The following ZNF236 variants were observed in gnomAD, a reference collection of about 807,000 sequenced individuals.
The protein encoded by ZNF236 is zinc finger protein 236.
In ZNF236, 50 loss-of-function variants were observed where a neutral mutation model predicts 191.2. The ratio of observed to expected loss-of-function variants is 0.26; its 90% CI spans 0.21 to 0.33. The LOEUF is 0.33. Ranked by LOEUF, ZNF236 falls within the 10% of genes least tolerant of loss-of-function variation. The probability of loss-of-function intolerance (pLI) is 1.00; values close to 1 mark genes in which losing one functional copy is unlikely to be tolerated. For missense variants in ZNF236, 1,754 were observed against 2,374.5 expected, an observed-to-expected ratio of 0.74 and a Z score of 5.43; for synonymous variants, 907 against 928.8, an observed-to-expected ratio of 0.98 and a Z score of 0.43.
rs1287869954 is a variant in ZNF236 at position 76,960,224 on chromosome 18, C to T, written c.5242+408C>T. Among the ~76,000 whole-genome samples the T allele has an allele frequency of 4.6e-5, 7 of 152,206 alleles. No individual in the cohort carries two copies. The highest frequency in any genetic ancestry group is 4.6e-4 in the Admixed American group (7 of 15,280). ...TTTTTTTCTCTGCTGGCTTTTCCTA[C>T]ACCACCTAAATCTGCTCAAACCTTT... On this transcript the variant is annotated intron_variant, in intron 29 of 30. Transcript: ENST00000320610. The surrounding 1 kb of genome is among the most constrained non-coding windows in gnomAD (Gnocchi z 4.4).
chr18:76,917,878 C>T (rs922191989), intron 19 of ZNF236, among the ~76,000 whole-genome samples: 6 of 152,112 alleles, frequency 3.9e-5, no homozygotes, highest in South Asian at 2.1e-4. Context: ...GGAATTTCTA[C>T]GAGATGGACA....
At chr18:76,923,350 C>T (rs552990328) in intron 21 of ZNF236, among the ~76,000 whole-genome samples, 176 bp downstream of exon 21, 1 of 152,154 alleles carries the variant, frequency 6.6e-6, no homozygotes, top group African/African-American at 2.4e-5. Flanking sequence ...GGAAAACTGT[C>T]CAAATGACAC....
chr18:76,841,694 C>CTTTTT (rs371645927), intron 1 of ZNF236, among the ~76,000 whole-genome samples: 3 of 128,804 alleles, frequency 2.3e-5, no homozygotes, highest in East Asian at 2.3e-4. Flanking sequence ...TTTTTTTTTT[C>CTTTTT]TTTTTTTTTT....
Position 76,869,000 on chromosome 18 carries a change from C to T in ZNF236, c.542+137C>T, listed in dbSNP as rs375604109. 6.6e-4 allele frequency: 510 copies of T among 774,142 alleles called. 3 individuals carry two copies. Among genetic ancestry groups the T allele is most frequent in the South Asian group, 4.0e-3 (212 of 53,116 alleles). The allele number at this position is 774,142 out of a possible 1,614,324, so 48.0% of individuals were successfully genotyped here. A position where few individuals can be genotyped will look rare whatever the true frequency, so the allele number is the denominator to read the frequency against. On this transcript the variant is annotated intron_variant, in intron 4 of 30. Coordinates refer to ENST00000320610, the MANE Select transcript of ZNF236 (RefSeq NM_001306089.2). Reference sequence around the variant, plus strand: ...CCCCACAGATAATTTGGTGTCAGAACGTCTTTTATAACATGCATGGTGCAT... The same window carrying T: ...CCCCACAGATAATTTGGTGTCAGAATGTCTTTTATAACATGCATGGTGCAT...
intron 3 of ZNF236, among the ~76,000 whole-genome samples, chr18:76,859,712 G>C (rs1264637619): frequency 6.6e-6 from 1 of 152,156 alleles, no homozygotes; most frequent in East Asian, 1.9e-4. Flanking sequence ...GTGGAGCACC[G>C]CTGTTTCCCT....
intron 26 of ZNF236, among the ~76,000 whole-genome samples, chr18:76,941,070 A>G (rs1366826051): frequency 6.6e-6 from 1 of 152,098 alleles, no homozygotes; most frequent in East Asian, 1.9e-4. Flanking sequence ...CCTACCTCAA[A>G]TCCGTGGAAA....
chr18:76,885,407 C>G (rs1977021205), intron 9 of ZNF236: 1 of 153,138 alleles, frequency 6.5e-6, no homozygotes, highest in Admixed American at 6.5e-5. Flanking sequence ...CCCTGAGGTT[C>G]TCAACTTTGA....
chr18:76,856,353 T>C (rs1196395434), intron 3 of ZNF236, among the ~76,000 whole-genome samples: 3 of 152,196 alleles, frequency 2.0e-5, no homozygotes. Context: ...TGGCTCATTT[T>C]TGTATTTTTA....
intron 2 of ZNF236, 110 bp downstream of exon 2, chr18:76,849,778 CATTTTATATT>C (rs1315570762): frequency 1.0e-6 from 1 of 973,952 alleles, no homozygotes; most frequent in Non-Finnish European, 1.4e-6. Context: ...AATAGTAGAA[CATTTTATATT>C]CTACAAATAA....
At chr18:76,844,390 G>C (rs1975616093) in intron 1 of ZNF236, among the ~76,000 whole-genome samples, 1 of 152,190 alleles carries the variant, frequency 6.6e-6, no homozygotes, top group Admixed American at 6.5e-5. Context: ...AGCAGTGTGG[G>C]TGCCTGGCCA....
intron 16 of ZNF236, 108 bp downstream of exon 16, chr18:76,910,919 T>TACAAGAAGTGAGCATG: frequency 1.6e-6 from 2 of 1,242,800 alleles, no homozygotes; most frequent in Non-Finnish European, 2.2e-6. Context: ...AGAGGCATGC[T>TACAAGAAGTGAGCATG]CACTTCTTGT....
At chr18:76,840,782 T>TGTGTGTGTGTGTGTGCGCGC (rs1555685340) in intron 1 of ZNF236, 1 of 99,250 alleles carries the variant, frequency 1.0e-5, no homozygotes, top group African/African-American at 2.9e-5. Flanking sequence ...AACCTGTGTG[T>TGTGTGTGTGTGTGTGCGCGC]GTGTGTGTGT....
In ZNF236 at chr18:76,939,149, A is replaced by G. The variant is rs558356251; in HGVS notation, c.4782+1806A>G. Reference sequence around the variant, plus strand: ...GGAGTTTGAGACCGGCCTGGCCAACATGGGGAAACTCCGTCGCTACTAAAA... The same window carrying G: ...GGAGTTTGAGACCGGCCTGGCCAACGTGGGGAAACTCCGTCGCTACTAAAA... On this transcript the variant is annotated intron_variant, in intron 26 of 30. Transcript: ENST00000320610. Among the ~76,000 whole-genome samples the G allele has an allele frequency of 3.3e-5, 5 of 152,254 alleles. No homozygotes were observed. The South Asian group carries it at 6.2e-4, about 19-fold the overall frequency.
rs547290726 is a variant in ZNF236, at chr18:76,875,969, C to A, written c.840+305C>A. Among the ~76,000 whole-genome samples, 6 of 151,974 alleles carry A rather than the reference C, an allele frequency of 3.9e-5. No homozygotes were observed. Among genetic ancestry groups the A allele is most frequent in the Non-Finnish European group, 8.8e-5 (6 of 67,998 alleles). Reference sequence around the variant, plus strand: ...GTCATTCTAAATAATGTATTTCATCCCTTTAGCAAACTTGAAACACAGGCA... The same window carrying A: ...GTCATTCTAAATAATGTATTTCATCACTTTAGCAAACTTGAAACACAGGCA... On this transcript the variant is annotated intron_variant, in intron 6 of 30. Transcript: ENST00000320610. The surrounding 1 kb of genome is among the most constrained non-coding windows in gnomAD (Gnocchi z 4.3).
At chr18:76,914,449 C>G (rs1303604783) in intron 18 of ZNF236, among the ~76,000 whole-genome samples, 1 of 152,172 alleles carries the variant, frequency 6.6e-6, no homozygotes, top group Non-Finnish European at 1.5e-5. Context: ...ATTGTTTGGT[C>G]ATATGTTAAC....
At chr18:76,884,664 G>C (rs575401078) in intron 9 of ZNF236, among the ~76,000 whole-genome samples, 70 of 152,252 alleles carry the variant, frequency 4.6e-4, no homozygotes, top group Non-Finnish European at 9.4e-4. Flanking sequence ...GGCTGTAATT[G>C]GCTGGCATCC....
Position 76,881,480 on chromosome 18 carries a change from A to G in ZNF236, c.1385A>G (p.Lys462Arg), listed in dbSNP as rs746664238. The change falls in exon 9 of 31, where the codon AAA becomes AGA. Residue 462 changes from lysine to arginine, a missense_variant. By Grantham distance (26) the Lys-to-Arg change is conservative. This residue lies in a region of ZNF236 where 126 missense variants were observed against 110.9 expected (regional missense o/e 1.14). Coordinates refer to ENST00000320610, the MANE Select transcript of ZNF236 (RefSeq NM_001306089.2). Reference sequence around the variant, plus strand: ...GAGAAACTGGATAAAAAAGAAAAAAAAATGATAAAGAAGAAGTCACCGTTT... The same window carrying G: ...GAGAAACTGGATAAAAAAGAAAAAAGAATGATAAAGAAGAAGTCACCGTTT... ...SPEKLDKKEK[K>R]MIKKKSPFLP... 1.6e-5 allele frequency: 25 copies of G among 1,612,766 alleles called. No homozygotes were observed.
intron 1 of ZNF236, chr18:76,849,297 A>G (rs1975789268): frequency 2.4e-6 from 1 of 424,126 alleles, no homozygotes; most frequent in Admixed American, 4.2e-5. Context: ...AAGCCCACCA[A>G]TATGTATTTA....
chr18:76,896,731 CACACAGTACCAAACACAGGTACCAA>C (rs1402971245), intron 10 of ZNF236, among the ~76,000 whole-genome samples: 1 of 151,350 alleles, frequency 6.6e-6, no homozygotes, highest in Non-Finnish European at 1.5e-5. Flanking sequence ...ACAGGGACCA[CACACAGTACCAAACACAGGTACCAA>C]ACACAGTACA....
Sources: allele counts gnomAD v4.1 joint callset (sites outside exome capture counted in the v4.1 genomes callset), GRCh38; gene constraint gnomAD v4.1.1; regional missense constraint gnomAD v4.1.1; non-coding constraint Gnocchi (gnomAD v3.1); transcripts MANE v1.5; gene names NCBI Gene and HGNC (gene_info 2026-07-23, HGNC 2026-07-21).